The following SYT9 variants were observed in gnomAD, a reference collection of about 807,000 sequenced individuals.
SYT9 encodes the protein synaptotagmin-9.
SYT9 carries 22 observed loss-of-function variants against 48.4 expected under a neutral mutation model. The observed-to-expected ratio is 0.45, with a 90% CI of 0.32 to 0.65. The LOEUF is 0.65. Ranked by LOEUF, SYT9 falls within the 30% of genes least tolerant of loss-of-function variation. SYT9 has a pLI of 0.03. For synonymous variants in SYT9, 265 were observed against 245.0 expected, an observed-to-expected ratio of 1.08 and a Z score of -0.76; for missense variants, 577 against 622.0, an observed-to-expected ratio of 0.93 and a Z score of 0.77.
chr11:7,407,864 C>T lies in SYT9; in HGVS notation c.1045-8178C>T, dbSNP rs150797333. On this transcript the variant is annotated intron_variant, in intron 3 of 6. Coordinates refer to ENST00000318881, the MANE Select transcript of SYT9 (RefSeq NM_175733.4). ...ATACATGGATTCATTTCTGTACTAT[C>T]TATCCTGTTCCATTTGCCTATAAGG... Among the ~76,000 whole-genome samples, 758 of 152,238 alleles carry T rather than the reference C, an allele frequency of 5.0e-3. 1 individual carries two copies. Among genetic ancestry groups the T allele is most frequent in the Non-Finnish European group, 7.0e-3 (477 of 68,030 alleles).
At chr11:7,328,047 A>G (rs932508673) in intron 3 of SYT9, among the ~76,000 whole-genome samples, 5 of 89,686 alleles carry the variant, frequency 5.6e-5, no homozygotes, top group African/African-American at 1.6e-4. Context: ...CAATGTGCAC[A>G]TGTACCCTAA....
intron 3 of SYT9, among the ~76,000 whole-genome samples, chr11:7,356,627 T>TAACAAA (rs1477663160): frequency 3.9e-5 from 6 of 152,194 alleles, no homozygotes; most frequent in African/African-American, 1.4e-4. Context: ...TTGGAGATAG[T>TAACAAA]AACAAAAGCC....
chr11:7,458,539 G>A (rs1448244652), intron 6 of SYT9, among the ~76,000 whole-genome samples: 8 of 152,160 alleles, frequency 5.3e-5, no homozygotes, highest in Non-Finnish European at 1.0e-4. Flanking sequence ...TCAGAAGTGT[G>A]ACATAGATTG....
chr11:7,409,782 T>G (rs1435540739), intron 3 of SYT9, among the ~76,000 whole-genome samples: 2 of 152,138 alleles, frequency 1.3e-5, no homozygotes, highest in East Asian at 3.8e-4. Context: ...TTTATCAATT[T>G]TGTTTATCTT....
At chr11:7,446,117 A>G (rs1278186772) in intron 6 of SYT9, among the ~76,000 whole-genome samples, 3 of 152,156 alleles carry the variant, frequency 2.0e-5, no homozygotes, top group Admixed American at 2.0e-4. Flanking sequence ...TGCCTGAAAA[A>G]CACCCACTTG....
chr11:7,271,713 A>T (rs1418968406), intron 1 of SYT9, among the ~76,000 whole-genome samples: 2 of 152,094 alleles, frequency 1.3e-5, no homozygotes, highest in East Asian at 3.9e-4. Context: ...AGTAGCTGGG[A>T]CTACAGGCAC....
chr11:7,399,038 G>T (rs1006463730), intron 3 of SYT9, among the ~76,000 whole-genome samples: 1 of 152,112 alleles, frequency 6.6e-6, no homozygotes, highest in Non-Finnish European at 1.5e-5. Flanking sequence ...CTTATTCTCT[G>T]CAATGTGGTA....
At chr11:7,265,532 C>T (rs772735080) in intron 1 of SYT9, among the ~76,000 whole-genome samples, 9 of 152,278 alleles carry the variant, frequency 5.9e-5, no homozygotes, top group East Asian at 3.9e-4. Flanking sequence ...CATGCACTTA[C>T]GGCCTTCGTG....
At position 7,416,033 on chromosome 11, in the gene SYT9, T is replaced by C. The variant is rs749592235; in HGVS notation, c.1045-9T>C. 5.6e-6 allele frequency: 9 copies of C among 1,614,120 alleles called. No homozygotes were observed. In the South Asian group the frequency reaches 9.9e-5, roughly 18 times the overall value. On this transcript the variant is annotated splice_polypyrimidine_tract_variant and intron_variant, in intron 3 of 6. Transcript: ENST00000318881. Reference sequence around the variant, plus strand: ...CTTTCTAATACTTTAGTTTGTGCTTTCTCAACAGGACAACGTGGATCTGGG... The same window carrying C: ...CTTTCTAATACTTTAGTTTGTGCTTCCTCAACAGGACAACGTGGATCTGGG...
intron 3 of SYT9, among the ~76,000 whole-genome samples, chr11:7,401,705 T>A (rs1846895937): frequency 1.3e-5 from 2 of 151,900 alleles, no homozygotes; most frequent in Non-Finnish European, 2.9e-5. Context: ...ATTATTTTAA[T>A]GTCTATGGTA....
At chr11:7,261,530 G>T (rs1848079339) in intron 1 of SYT9, among the ~76,000 whole-genome samples, 1 of 152,058 alleles carries the variant, frequency 6.6e-6, no homozygotes, top group Admixed American at 6.6e-5. Context: ...TTACATTTTG[G>T]GAAAATGATA....
intron 3 of SYT9, among the ~76,000 whole-genome samples, chr11:7,320,295 C>G (rs1480650771): frequency 6.6e-6 from 1 of 152,154 alleles, no homozygotes; most frequent in Non-Finnish European, 1.5e-5. Flanking sequence ...TCTCCTTCCC[C>G]TCTTTACCTG....
At chr11:7,277,678 T>A (rs1001481524) in intron 1 of SYT9, among the ~76,000 whole-genome samples, 6 of 152,198 alleles carry the variant, frequency 3.9e-5, no homozygotes, top group African/African-American at 1.4e-4. Flanking sequence ...GTATGCCTAG[T>A]TGAAACTTAA....
At chr11:7,351,693 A>G in intron 3 of SYT9, among the ~76,000 whole-genome samples, 1 of 152,250 alleles carries the variant, frequency 6.6e-6, no homozygotes, top group East Asian at 1.9e-4. Context: ...ATGTTTTGTC[A>G]ACATTTTGCT....
intron 1 of SYT9, among the ~76,000 whole-genome samples, chr11:7,296,734 AT>A (rs1848814886): frequency 6.6e-6 from 1 of 152,176 alleles, no homozygotes; most frequent in African/African-American, 2.4e-5. Context: ...AAGGCTTTGT[AT>A]TTACGTGAAA....
chr11:7,291,678 G>C (rs1387453128), intron 1 of SYT9, among the ~76,000 whole-genome samples: 1 of 145,698 alleles, frequency 6.9e-6, no homozygotes, highest in Non-Finnish European at 1.5e-5. Context: ...TTGCTCAACT[G>C]CTGTGCTCTG....
intron 3 of SYT9, among the ~76,000 whole-genome samples, chr11:7,322,554 G>C (rs942308142): frequency 1.3e-5 from 2 of 152,156 alleles, no homozygotes; most frequent in East Asian, 3.8e-4. Context: ...AGTGAAAAGT[G>C]GCAGCACTGT....
At chr11:7,442,374 G>A (rs1015649463) in intron 6 of SYT9, among the ~76,000 whole-genome samples, 1 of 152,190 alleles carries the variant, frequency 6.6e-6, no homozygotes, top group Non-Finnish European at 1.5e-5. Flanking sequence ...GGTGGAGGAT[G>A]GTGTCAGACC....
At chr11:7,407,313 AT>A (rs899501413) in intron 3 of SYT9, among the ~76,000 whole-genome samples, 1 of 133,266 alleles carries the variant, frequency 7.5e-6, no homozygotes, top group African/African-American at 2.6e-5. Flanking sequence ...TGTTTTCTCC[AT>A]TTTTTTAGTA....
Sources: gnomAD v4.1 joint callset for allele counts (sites outside exome capture counted in the v4.1 genomes callset) on GRCh38, gnomAD v4.1.1 for gene constraint, MANE v1.5 for transcripts, NCBI Gene and HGNC (gene_info 2026-07-23, HGNC 2026-07-21) for gene names.